Variants in A2M observed in about 807,000 individuals in gnomAD.
The protein encoded by A2M is C3 and PZP-like alpha-2-macroglobulin domain-containing protein 5.
Under a neutral mutation model 183.9 loss-of-function variants are expected in A2M, and 128 were observed. That is an observed-to-expected ratio of 0.70 (90% CI 0.60 to 0.81). A2M has a LOEUF of 0.81. Among genes scored for constraint, A2M ranks in the 30% least tolerant of loss-of-function variants. The probability of loss-of-function intolerance (pLI) is 0.00; values close to 1 mark genes in which losing one functional copy is unlikely to be tolerated. For synonymous variants in A2M, 592 were observed against 670.8 expected (o/e 0.88, Z 1.81); for missense variants, 1,495 against 1,787.6 (o/e 0.84, Z 2.95).
At chr12:9,104,690 G>T (rs1186348951) in intron 10 of A2M, among the ~76,000 whole-genome samples, 1 of 152,166 alleles carries the variant, frequency 6.6e-6, no homozygotes, top group African/African-American at 2.4e-5. Context: ...ATAATAACAA[G>T]AGTGACCTGA....
At chr12:9,079,549 T>C (rs1948844717) in intron 24 of A2M, 90 bp downstream of exon 24, 4 of 1,258,666 alleles carry the variant, frequency 3.2e-6, no homozygotes, top group Middle Eastern at 2.2e-4. Context: ...GCTAAGCTAA[T>C]GTATCATAAT....
intron 4 of A2M, 45 bp from the exon 5 acceptor site, chr12:9,110,379 T>G (rs906664398): frequency 8.1e-7 from 1 of 1,227,260 alleles, no homozygotes; most frequent in African/African-American, 1.6e-5. Context: ...TTTTCAAATA[T>G]TCTTAAATCT....
chr12:9,071,158 C>T (rs1948564660), intron 31 of A2M, among the ~76,000 whole-genome samples: 1 of 152,172 alleles, frequency 6.6e-6, no homozygotes, highest in Non-Finnish European at 1.5e-5. Flanking sequence ...AAGTGATGCA[C>T]AGGCTGTTTG....
intron 22 of A2M, among the ~76,000 whole-genome samples, chr12:9,081,975 G>A (rs750987153): frequency 9.2e-5 from 14 of 152,220 alleles, no homozygotes; most frequent in Non-Finnish European, 1.3e-4. Flanking sequence ...AGCATGTTGG[G>A]AAGTTCAACC....
chr12:9,093,977 C>A (rs1949292741), intron 17 of A2M, among the ~76,000 whole-genome samples: 1 of 151,934 alleles, frequency 6.6e-6, no homozygotes, highest in Non-Finnish European at 1.5e-5. Context: ...TAAGCAGAGG[C>A]TATAGAGACT....
chr12:9,071,593 C>T (rs1172481259), intron 31 of A2M, among the ~76,000 whole-genome samples: 2 of 152,108 alleles, frequency 1.3e-5, no homozygotes, highest in African/African-American at 4.8e-5. Flanking sequence ...TCCCTCCTCC[C>T]ATCCTTAACC....
At chr12:9,096,248 A>G (rs1949378055) in intron 15 of A2M, among the ~76,000 whole-genome samples, 2 of 152,232 alleles carry the variant, frequency 1.3e-5, no homozygotes, top group Non-Finnish European at 2.9e-5. Context: ...TCATCTAAGT[A>G]CTAAGTACTA....
intron 27 of A2M, 134 bp from the exon 28 acceptor site, chr12:9,077,070 TATA>T: frequency 1.3e-6 from 1 of 754,220 alleles, no homozygotes; most frequent in Non-Finnish European, 2.0e-6. Context: ...TATCAATAGA[TATA>T]ATATTATTTT....
In A2M at chr12:9,089,182, A is replaced by G. The variant is rs777218323; in HGVS notation, c.2770+18T>C. 1 of 1,551,542 alleles carries G rather than the reference A, an allele frequency of 6.4e-7. No individual in the cohort carries two copies. Among genetic ancestry groups the G allele is most frequent in the Admixed American group, 1.9e-5 (1 of 53,986 alleles). ...GTTAGACTTTAATGTTTTTTAAATT[A>G]TGATGGTTGACTCTTACCTGATGGA... On this transcript the variant is annotated intron_variant, in intron 22 of 35. Transcript: ENST00000318602.
Position 9,070,499 on chromosome 12 carries a change from T to C in A2M, c.4183A>G (p.Thr1395Ala), listed in dbSNP as rs1465274130. 1.2e-6 allele frequency: 2 copies of C among 1,612,706 alleles called. No individual in the cohort carries two copies. Residue 1395 changes from threonine (T) to alanine (A), a missense_variant, in exon 32 of 36, where the codon ACA becomes GCA. Thr to Ala is a moderately conservative substitution (Grantham distance 58). Coordinates refer to ENST00000318602, the MANE Select transcript of A2M (RefSeq NM_000014.6). The part of the protein sequence containing the change: ...MVSGFIPLKP[T>A]VKMLERSNHV... ...TATGATAAACCTACCATTTTCACTGTTGGCTTCAGGGGAATGAAGCCAGAG... is the reference window on the plus strand; with the variant it reads ...TATGATAAACCTACCATTTTCACTGCTGGCTTCAGGGGAATGAAGCCAGAG...
At position 9,074,458 on chromosome 12, in the gene A2M, A is replaced by G. The variant is rs1351675714; in HGVS notation, c.3756+102T>C. 7 of 1,140,718 alleles carry G rather than the reference A, an allele frequency of 6.1e-6. No homozygotes were observed. In the Admixed American group the frequency reaches 1.8e-4, roughly 29 times the overall value. 70.7% of individuals were successfully genotyped at this position (1,140,718 alleles called of 1,614,324 possible). A position where few individuals can be genotyped will look rare whatever the true frequency, so the allele number is the denominator to read the frequency against. ...TGAAAACTTTTCCTCATTTCAAGTT[A>G]CTGTCATCTGTATTTTTTTCTTCTT... On this transcript the variant is annotated intron_variant, in intron 29 of 35. Coordinates refer to ENST00000318602, the MANE Select transcript of A2M (RefSeq NM_000014.6).
chr12:9,102,800 G>T (rs1460464318), intron 11 of A2M, among the ~76,000 whole-genome samples: 2 of 152,174 alleles, frequency 1.3e-5, no homozygotes, highest in African/African-American at 4.8e-5. Flanking sequence ...GTGCTGGCAC[G>T]TGGAAAGCAT....
At chr12:9,067,864 T>G in intron 35 of A2M, 25 bp from the exon 36 acceptor site, 1 of 1,608,180 alleles carries the variant, frequency 6.2e-7, no homozygotes, top group Non-Finnish European at 8.5e-7. Context: ...AGAAAAAAAA[T>G]TAAGACAGAT....
chr12:9,081,436 A>G (rs1948904167), intron 22 of A2M, among the ~76,000 whole-genome samples: 1 of 152,246 alleles, frequency 6.6e-6, no homozygotes, highest in Non-Finnish European at 1.5e-5. Flanking sequence ...ATTAAAATTC[A>G]GAATAAAGCA....
intron 20 of A2M, 46 bp from the exon 21 acceptor site, chr12:9,090,069 C>G: frequency 6.4e-7 from 1 of 1,564,856 alleles, no homozygotes; most frequent in South Asian, 1.2e-5. Context: ...TCCCCTTCCT[C>G]CATGCCTCCA....
At chr12:9,112,839 G>A (rs1382673822) in intron 2 of A2M, 1 of 367,308 alleles carries the variant, frequency 2.7e-6, no homozygotes. Context: ...GATATTACAT[G>A]CTAAAAGGGC....
rs560715481 is a variant in A2M at position 9,070,444 on chromosome 12, A to G, written c.4194+44T>C. The G allele has an allele frequency of 7.8e-6, 10 of 1,286,338 alleles. No individual in the cohort carries two copies. In the South Asian group the frequency reaches 9.8e-5, roughly 13 times the overall value. The allele number at this position is 1,286,338 out of a possible 1,614,324, so 79.7% of individuals were successfully genotyped here. On this transcript the variant is annotated intron_variant, in intron 32 of 35. Transcript: ENST00000318602. ...ATTGTCTTATGCTGGGGATACATAC[A>G]TCATTAAATAAAATAGGGCAGTCTG...
At chr12:9,071,828 T>A (rs1948590024) in intron 31 of A2M, among the ~76,000 whole-genome samples, 1 of 152,218 alleles carries the variant, frequency 6.6e-6, no homozygotes, top group African/African-American at 2.4e-5. Flanking sequence ...CCTAACTTTT[T>A]TCCTGAATAG....
intron 17 of A2M, among the ~76,000 whole-genome samples, 181 bp downstream of exon 17, chr12:9,094,792 A>G (rs1949323530): frequency 6.6e-6 from 1 of 152,166 alleles, no homozygotes; most frequent in Non-Finnish European, 1.5e-5. Context: ...TCAGCCTAAC[A>G]CATGTACCTC....
Sources: allele counts gnomAD v4.1 joint callset (sites outside exome capture counted in the v4.1 genomes callset), GRCh38; gene constraint gnomAD v4.1.1; transcripts MANE v1.5; gene names NCBI Gene and HGNC (gene_info 2026-07-23, HGNC 2026-07-21).